Variants in SIPA1L3 observed in about 807,000 individuals in gnomAD.
The protein encoded by SIPA1L3 is signal-induced proliferation-associated 1-like protein 3.
Under a neutral mutation model 150.1 loss-of-function variants are expected in SIPA1L3, and 59 were observed. The ratio of observed to expected loss-of-function variants is 0.39; its 90% CI spans 0.32 to 0.49. The LOEUF (loss-of-function observed/expected upper bound fraction) is 0.49, where lower values mean the gene tolerates loss of function less well. SIPA1L3 is among the 20% of genes least tolerant of loss of function. The pLI is 0.86. For synonymous variants in SIPA1L3, 1,070 were observed against 1,077.6 expected, an observed-to-expected ratio of 0.99 and a Z score of 0.14; for missense variants, 2,211 against 2,489.5, an observed-to-expected ratio of 0.89 and a Z score of 2.38.
chr19:37,945,445 C>A (rs558880744), intron 1 of SIPA1L3, among the ~76,000 whole-genome samples: 1 of 152,212 alleles, frequency 6.6e-6, no homozygotes, highest in Non-Finnish European at 1.5e-5. Flanking sequence ...ACCATTTTGC[C>A]TAGACTGGTC....
intron 1 of SIPA1L3, among the ~76,000 whole-genome samples, chr19:38,022,710 G>T (rs897879746): frequency 6.6e-6 from 1 of 151,958 alleles, no homozygotes; most frequent in Non-Finnish European, 1.5e-5. Context: ...TCCATCTCAA[G>T]AAAAAAATAA....
chr19:38,000,775 G>A (rs1967765108), intron 1 of SIPA1L3, among the ~76,000 whole-genome samples: 1 of 145,808 alleles, frequency 6.9e-6, no homozygotes, highest in South Asian at 2.1e-4. Flanking sequence ...GGAAAAAAAA[G>A]ACTGGAAGGA....
At chr19:38,192,356 G>A in intron 17 of SIPA1L3, 46 bp downstream of exon 17, 1 of 1,527,662 alleles carries the variant, frequency 6.5e-7, no homozygotes, top group Non-Finnish European at 8.8e-7. Flanking sequence ...GCTCCCAAGG[G>A]GATCCCAGAT....
intron 2 of SIPA1L3, among the ~76,000 whole-genome samples, chr19:38,056,798 C>T (rs1028167099): frequency 5.3e-5 from 8 of 152,028 alleles, no homozygotes; most frequent in Non-Finnish European, 8.8e-5. Flanking sequence ...GCGTGGTGGC[C>T]CACACCTGTA....
intron 1 of SIPA1L3, among the ~76,000 whole-genome samples, chr19:38,000,903 TATATATAAC>T (rs1391880327): frequency 6.1e-5 from 7 of 114,278 alleles, no homozygotes; most frequent in African/African-American, 1.5e-4. Flanking sequence ...GTTATATATA[TATATATAAC>T]ATATATATAA....
intron 15 of SIPA1L3, among the ~76,000 whole-genome samples, chr19:38,180,330 T>C (rs1972527652): frequency 6.6e-6 from 1 of 152,144 alleles, no homozygotes; most frequent in African/African-American, 2.4e-5. Context: ...AATTGTGTTT[T>C]TTTTTCTTTT....
intron 16 of SIPA1L3, among the ~76,000 whole-genome samples, chr19:38,188,410 C>T (rs1324167060): frequency 6.6e-6 from 1 of 151,550 alleles, no homozygotes; most frequent in Non-Finnish European, 1.5e-5. Flanking sequence ...GTCTCGAACT[C>T]CTGACCTCAA....
In SIPA1L3 at chr19:38,164,562, C is replaced by A. The variant is rs1184512918; in HGVS notation, c.3864C>A (p.Phe1288Leu). The A allele has an allele frequency of 6.2e-7, 1 of 1,613,976 alleles. No individual in the cohort carries two copies. Among genetic ancestry groups the A allele is most frequent in the African/African-American group, 1.3e-5 (1 of 74,896 alleles). ...ASSSHSDDRW[F>L]DPLDPLEPEQ... is the part of the protein sequence containing the mutation. ...GCAGCCACAGCGACGACCGCTGGTTCGACCCCCTGGACCCCCTGGAGCCAG... is the reference window on the plus strand; with the variant it reads ...GCAGCCACAGCGACGACCGCTGGTTAGACCCCCTGGACCCCCTGGAGCCAG... The change falls in exon 15 of 22, where the codon TTC becomes TTA. Residue 1288 changes from phenylalanine to leucine, a missense_variant. Phe to Leu is a conservative substitution (Grantham distance 22). Transcript: ENST00000222345. This position sits in a 1 kb window ranked among gnomAD's most constrained non-coding sequence, Gnocchi z 4.1.
At chr19:38,187,280 C>T (rs991378694) in intron 16 of SIPA1L3, among the ~76,000 whole-genome samples, 5 of 151,716 alleles carry the variant, frequency 3.3e-5, no homozygotes, top group Non-Finnish European at 5.9e-5. Flanking sequence ...GGTGAAACCC[C>T]ATCTCTACTA....
intron 7 of SIPA1L3, among the ~76,000 whole-genome samples, chr19:38,107,412 T>G (rs921112885): frequency 6.6e-6 from 1 of 152,170 alleles, no homozygotes; most frequent in Non-Finnish European, 1.5e-5. Context: ...TGGGTGTGGC[T>G]GCCAGCAGGA....
chr19:38,097,718 G>A lies in SIPA1L3; in HGVS notation c.1666-2244G>A, dbSNP rs147112533. 4.8e-3 allele frequency among the ~76,000 whole-genome samples: 736 copies of A among 152,206 alleles called. 2 individuals are homozygous for A. Among genetic ancestry groups the A allele is most frequent in the African/African-American group, 0.011 (440 of 41,516 alleles). On this transcript the variant is annotated intron_variant, in intron 4 of 21. Transcript: ENST00000222345. ...ATTACAGGCATGCGCCACCACGCCC[G>A]GCTAATTTTTGTATTTTTAGTAGAG...
intron 10 of SIPA1L3, among the ~76,000 whole-genome samples, chr19:38,140,355 A>G (rs1341985382): frequency 6.6e-6 from 1 of 150,440 alleles, no homozygotes; most frequent in Non-Finnish European, 1.5e-5. Flanking sequence ...AGGGGGAGTC[A>G]CAGGTCTCTC....
At chr19:37,911,395 A>C (rs2046376247) in intron 1 of SIPA1L3, among the ~76,000 whole-genome samples, 1 of 152,104 alleles carries the variant, frequency 6.6e-6, no homozygotes. Context: ...AAGTCATTAC[A>C]TATAGATCTG....
intron 1 of SIPA1L3, among the ~76,000 whole-genome samples, chr19:38,008,819 C>CA (rs1339443594): frequency 6.6e-6 from 1 of 152,020 alleles, no homozygotes; most frequent in Non-Finnish European, 1.5e-5. Flanking sequence ...CTCAGCCTCT[C>CA]AAAGTGCTGA....
chr19:38,199,423 G>A (rs1410905185), intron 19 of SIPA1L3, among the ~76,000 whole-genome samples: 1 of 152,202 alleles, frequency 6.6e-6, no homozygotes, highest in Non-Finnish European at 1.5e-5. Flanking sequence ...AGGATAGCCA[G>A]AGCCCCTTAC....
At chr19:37,936,294 G>C (rs1443659928) in intron 1 of SIPA1L3, among the ~76,000 whole-genome samples, 1 of 152,216 alleles carries the variant, frequency 6.6e-6, no homozygotes, top group Non-Finnish European at 1.5e-5. Flanking sequence ...GAGTGGACAT[G>C]TTGGGCATTC....
rs904916634 is a variant in SIPA1L3 at position 37,930,943 on chromosome 19, G to T, written c.-379+23585G>T. Among the ~76,000 whole-genome samples, 7 of 151,928 alleles carry T rather than the reference G, an allele frequency of 4.6e-5. No homozygotes were observed. In the South Asian group the frequency reaches 1.5e-3, roughly 32 times the overall value. On this transcript the variant is annotated intron_variant, in intron 1 of 21. Coordinates refer to ENST00000222345, the MANE Select transcript of SIPA1L3 (RefSeq NM_015073.3). ...CACAGGGGACTATAAGCTCCCTGTG[G>T]GCAGGATTTATGTGGTTTTTGTTTA...
chr19:38,067,390 C>T (rs1969620205), intron 2 of SIPA1L3, among the ~76,000 whole-genome samples: 1 of 152,210 alleles, frequency 6.6e-6, no homozygotes, highest in Non-Finnish European at 1.5e-5. Flanking sequence ...TGGCCTCCCT[C>T]TCTCCTGTGG....
chr19:38,142,705 A>C lies in SIPA1L3; in HGVS notation c.3528A>C (p.Pro1176=), dbSNP rs760605245. The C allele has an allele frequency of 6.2e-7, 1 of 1,612,824 alleles. No homozygotes were observed. Among genetic ancestry groups the C allele is most frequent in the Non-Finnish European group, 8.5e-7 (1 of 1,179,232 alleles). ...SATYVRYKPS[P]ERYTAAPHPL... is the part of the protein sequence containing the mutation. ...CCTACGTGAGATACAAGCCATCCCC[A>C]GAAAGGTCAGCCTCCCTCAATTCTT... The change falls in exon 12 of 22, where the codon CCA becomes CCC. Residue 1176 remains proline, a synonymous_variant. Coordinates refer to ENST00000222345, the MANE Select transcript of SIPA1L3 (RefSeq NM_015073.3).
Sources: allele counts gnomAD v4.1 joint callset (sites outside exome capture counted in the v4.1 genomes callset), GRCh38; gene constraint gnomAD v4.1.1; non-coding constraint Gnocchi (gnomAD v3.1); transcripts MANE v1.5; gene names NCBI Gene and HGNC (gene_info 2026-07-23, HGNC 2026-07-21).